The following PTBP3 variants were observed in gnomAD, a reference collection of about 807,000 sequenced individuals.
PTBP3 encodes polypyrimidine tract binding protein 3.
In PTBP3, 20 loss-of-function variants were observed where a neutral mutation model predicts 58.7. The observed-to-expected ratio is 0.34, with a 90% CI of 0.24 to 0.50. The LOEUF (loss-of-function observed/expected upper bound fraction) is 0.50, where lower values mean the gene tolerates loss of function less well. Among genes scored for constraint, PTBP3 ranks in the 20% least tolerant of loss-of-function variants. The pLI is 0.98. For synonymous variants in PTBP3, 185 were observed against 219.8 expected, an observed-to-expected ratio of 0.84 and a Z score of 1.40; for missense variants, 509 against 637.2, an observed-to-expected ratio of 0.80 and a Z score of 2.17.
intron 7 of PTBP3, among the ~76,000 whole-genome samples, chr9:112,236,956 T>C (rs1043259250): frequency 1.3e-5 from 2 of 152,124 alleles, no homozygotes; most frequent in African/African-American, 4.8e-5. Flanking sequence ...AACATTAATT[T>C]CTATCAACCA....
chr9:112,224,259 G>T, intron 12 of PTBP3, 49 bp from the exon 13 acceptor site: 1 of 1,157,888 alleles, frequency 8.6e-7, no homozygotes, highest in Non-Finnish European at 1.2e-6. Flanking sequence ...ATTCTCAAGT[G>T]AAGCAGATTA....
At chr9:112,345,962 C>G in the PTBP3 span, among the ~76,000 whole-genome samples, 2 of 151,682 alleles carry the variant, frequency 1.3e-5, no homozygotes, top group African/African-American at 4.8e-5. Flanking sequence ...TCAAGCAATT[C>G]TCCCTGCCTC....
the PTBP3 span, among the ~76,000 whole-genome samples, chr9:112,347,123 A>G: frequency 2.0e-5 from 3 of 152,234 alleles, no homozygotes; most frequent in African/African-American, 2.4e-5. Flanking sequence ...TGCAATATAT[A>G]AATAGCCTAA....
the PTBP3 span, among the ~76,000 whole-genome samples, chr9:112,374,638 T>C: frequency 6.6e-6 from 1 of 152,210 alleles, no homozygotes; most frequent in African/African-American, 2.4e-5. Context: ...GTAAGACCAG[T>C]GAATTCCATG....
chr9:112,220,927 C>T lies in PTBP3; in HGVS notation c.*2924G>A, dbSNP rs977172089. On this transcript the variant is annotated 3_prime_UTR_variant, in exon 14 of 14. Transcript: ENST00000374257. ...GTAGATCAACAGAGAAAAACCATTG[C>T]TAGAAGATACTGAATAAATGCATGC... The T allele has an allele frequency of 9.3e-6, 9 of 964,786 alleles. No individual in the cohort carries two copies. Among genetic ancestry groups the T allele is most frequent in the Non-Finnish European group, 9.9e-6 (8 of 811,224 alleles). The allele number at this position is 964,786 out of a possible 1,614,324, so 59.8% of individuals were successfully genotyped here.
At chr9:112,305,801 G>A (rs1305201257) in intron 1 of PTBP3, among the ~76,000 whole-genome samples, 3 of 152,086 alleles carry the variant, frequency 2.0e-5, no homozygotes, top group Admixed American at 6.5e-5. Context: ...TGAGCCGGGC[G>A]TGGTGACGGA....
intron 5 of PTBP3, among the ~76,000 whole-genome samples, chr9:112,253,264 T>C (rs999241122): frequency 3.3e-5 from 5 of 152,056 alleles, no homozygotes; most frequent in African/African-American, 1.2e-4. Context: ...ATGCAGACAA[T>C]AAACAAATGA....
chr9:112,305,651 G>A (rs924833562), intron 1 of PTBP3, among the ~76,000 whole-genome samples: 1 of 152,118 alleles, frequency 6.6e-6, no homozygotes, highest in African/African-American at 2.4e-5. Context: ...GTGAGTATAA[G>A]AGCTTTCAGC....
intron 7 of PTBP3, among the ~76,000 whole-genome samples, chr9:112,236,264 A>T (rs1254653984): frequency 6.6e-6 from 1 of 152,212 alleles, no homozygotes; most frequent in Admixed American, 6.5e-5. Flanking sequence ...GATTCAAAAA[A>T]TGAGAGTAAC....
chr9:112,291,409 C>T (rs185990842), intron 2 of PTBP3, among the ~76,000 whole-genome samples: 25 of 151,518 alleles, frequency 1.6e-4, no homozygotes, highest in African/African-American at 4.6e-4. Context: ...GATCCCAAAT[C>T]GCCAAAGCAA....
At chr9:112,296,340 T>C (rs1828688052) in intron 2 of PTBP3, among the ~76,000 whole-genome samples, 2 of 152,102 alleles carry the variant, frequency 1.3e-5, no homozygotes, top group Admixed American at 1.3e-4. Flanking sequence ...ATTGTTCTAG[T>C]ATCCTGTATG....
At chr9:112,366,369 T>G in the PTBP3 span, among the ~76,000 whole-genome samples, 1 of 152,096 alleles carries the variant, frequency 6.6e-6, no homozygotes, top group African/African-American at 2.4e-5. Flanking sequence ...GTCAGAGGTC[T>G]TCATGGCAGC....
At chr9:112,349,889 A>AAAAAAAG in the PTBP3 span, among the ~76,000 whole-genome samples, 1 of 141,838 alleles carries the variant, frequency 7.1e-6, no homozygotes. Context: ...AAAAAAAAAA[A>AAAAAAAG]GAATTCAGTT....
chr9:112,220,138 A>ACACATT lies in PTBP3; in HGVS notation c.*3712_*3713insAATGTG. On this transcript the variant is annotated 3_prime_UTR_variant, in exon 14 of 14. Transcript: ENST00000374257. ...AATAGCAGTACACATTAGGTTTTCT[A>ACACATT]AGGGATAGGTGGGGAAAAACACATG... is the stretch of plus-strand genomic sequence containing the variant. 1 of 1,297,182 alleles carries ACACATT rather than the reference A, an allele frequency of 7.7e-7. No homozygotes were observed. Among genetic ancestry groups the ACACATT allele is most frequent in the Non-Finnish European group, 1.0e-6 (1 of 993,066 alleles). The allele number at this position is 1,297,182 out of a possible 1,614,324, so 80.4% of individuals were successfully genotyped here. A position where few individuals can be genotyped will look rare whatever the true frequency, so the allele number is the denominator to read the frequency against.
intron 1 of PTBP3, among the ~76,000 whole-genome samples, chr9:112,331,080 C>G (rs1371658282): frequency 1.6e-5 from 2 of 123,978 alleles, no homozygotes; most frequent in African/African-American, 6.5e-5. Flanking sequence ...TAGGAGGAAA[C>G]GAACACACAC....
At chr9:112,293,103 T>C (rs1589877761) in intron 2 of PTBP3, among the ~76,000 whole-genome samples, 1 of 152,144 alleles carries the variant, frequency 6.6e-6, no homozygotes, top group Admixed American at 6.5e-5. Flanking sequence ...ACAAACATAA[T>C]GTTGAATGAA....
At chr9:112,323,665 C>T (rs140849354) in intron 1 of PTBP3, among the ~76,000 whole-genome samples, 1 of 152,232 alleles carries the variant, frequency 6.6e-6, no homozygotes, top group Non-Finnish European at 1.5e-5. Context: ...AGGCTGGACA[C>T]GGCTGAGGAA....
At chr9:112,290,573 G>A (rs7862990) in intron 2 of PTBP3, among the ~76,000 whole-genome samples, 73,231 of 150,638 alleles carry the variant, frequency 0.49, 18,133 homozygotes, top group African/African-American at 0.58. Flanking sequence ...TCAGGAGCCT[G>A]AGGCACATGA....
intron 1 of PTBP3, among the ~76,000 whole-genome samples, chr9:112,317,601 G>A (rs774443058): frequency 2.0e-5 from 3 of 152,016 alleles, no homozygotes; most frequent in Non-Finnish European, 4.4e-5. Context: ...TATGAATATC[G>A]GTACTGAAAA....
Sources: allele counts gnomAD v4.1 joint callset (sites outside exome capture counted in the v4.1 genomes callset), GRCh38; gene constraint gnomAD v4.1.1; transcripts MANE v1.5; gene names NCBI Gene and HGNC (gene_info 2026-07-23, HGNC 2026-07-21).